The following TAFA5 variants were observed in gnomAD, a reference collection of about 807,000 sequenced individuals.
TAFA5 encodes chemokine-like protein TAFA-5.
Under a neutral mutation model 15.3 loss-of-function variants are expected in TAFA5, and 6 were observed. That is an observed-to-expected ratio of 0.39 (90% confidence interval 0.21 to 0.77). The LOEUF (loss-of-function observed/expected upper bound fraction) is 0.77. TAFA5 is among the 30% of genes least tolerant of loss of function. The pLI is 0.41. For missense variants in TAFA5, 161 were observed against 193.1 expected, an observed-to-expected ratio of 0.83 and a Z score of 0.98; for synonymous variants, 103 against 80.7, an observed-to-expected ratio of 1.28 and a Z score of -1.48.
intron 1 of TAFA5, among the ~76,000 whole-genome samples, chr22:48,547,906 C>T (rs1451048824): frequency 6.6e-6 from 1 of 152,204 alleles, no homozygotes; most frequent in East Asian, 1.9e-4. Context: ...CCATGGCTAA[C>T]CGGTGATAGC....
At position 48,751,163 on chromosome 22, in the gene TAFA5, T is replaced by C. The variant is rs1254618928; in HGVS notation, c.*1316T>C. 1 of 152,376 alleles carries C rather than the reference T, an allele frequency of 6.6e-6. No homozygotes were observed. The highest frequency in any genetic ancestry group is 1.5e-5 in the Non-Finnish European group (1 of 68,072). 9.4% of individuals were successfully genotyped at this position (152,376 alleles called of 1,614,324 possible). On this transcript the variant is annotated 3_prime_UTR_variant, in exon 4 of 4. Transcript: ENST00000402357. Reference sequence around the variant, plus strand: ...GTCAACACTTGAGCGTACAATATCTTGAACATGCTTCTTCCAATGGGTTTT... The same window carrying C: ...GTCAACACTTGAGCGTACAATATCTCGAACATGCTTCTTCCAATGGGTTTT...
intron 2 of TAFA5, among the ~76,000 whole-genome samples, chr22:48,701,401 C>T (rs911431132): frequency 1.3e-5 from 2 of 152,224 alleles, no homozygotes; most frequent in African/African-American, 4.8e-5. Context: ...GGCACACCCT[C>T]TCCTGCACGG....
At chr22:48,547,494 G>A (rs1178293669) in intron 1 of TAFA5, 1 of 152,244 alleles carries the variant, frequency 6.6e-6, no homozygotes. Context: ...CTGGGTGAGA[G>A]ATGGGGGAGA....
chr22:48,510,824 T>C (rs190640801), intron 1 of TAFA5, among the ~76,000 whole-genome samples: 1 of 152,398 alleles, frequency 6.6e-6, no homozygotes, highest in East Asian at 1.9e-4. Context: ...TTCCTGACCT[T>C]GCCCAGGCAG....
At chr22:48,731,675 T>A (rs1159801528) in intron 3 of TAFA5, among the ~76,000 whole-genome samples, 2 of 152,108 alleles carry the variant, frequency 1.3e-5, no homozygotes, top group African/African-American at 4.8e-5. Context: ...GTTGACTGAA[T>A]CCTTTAAGCC....
In TAFA5 at chr22:48,635,371, T is replaced by C. The variant is rs368757770; in HGVS notation, c.113-11226T>C. ...CCTGGGAGGAGCTAGGGCTTCCCAG[T>C]CTTCTTCAGGGCAAGCACAGGCTGA... On this transcript the variant is annotated intron_variant, in intron 1 of 3. Transcript: ENST00000402357. Among the ~76,000 whole-genome samples the C allele has an allele frequency of 1.4e-4, 21 of 152,164 alleles. No homozygotes were observed. In the East Asian group the frequency reaches 3.1e-3, roughly 23 times the overall value.
At chr22:48,738,327 G>A (rs981562797) in intron 3 of TAFA5, among the ~76,000 whole-genome samples, 3 of 152,210 alleles carry the variant, frequency 2.0e-5, no homozygotes, top group Non-Finnish European at 2.9e-5. Context: ...TGCGTGGATT[G>A]TGATGTCACC....
At chr22:48,612,270 C>A (rs1207335476) in intron 1 of TAFA5, among the ~76,000 whole-genome samples, 3 of 152,058 alleles carry the variant, frequency 2.0e-5, no homozygotes, top group African/African-American at 7.2e-5. Context: ...CCAGTGCACA[C>A]CCCCGCAGCA....
At chr22:48,585,995 G>A (rs115328836) in intron 1 of TAFA5, among the ~76,000 whole-genome samples, 244 of 152,330 alleles carry the variant, frequency 1.6e-3, no homozygotes, top group African/African-American at 4.1e-3. Context: ...CCAGCCTGGC[G>A]TTCTGGAGGA....
chr22:48,608,180 G>A (rs1833970786), intron 1 of TAFA5, among the ~76,000 whole-genome samples: 1 of 120,786 alleles, frequency 8.3e-6, no homozygotes, highest in South Asian at 2.2e-4. Flanking sequence ...CACCACCGAC[G>A]CTGATTTTGT....
intron 1 of TAFA5, among the ~76,000 whole-genome samples, chr22:48,610,189 C>T (rs1925346964): frequency 6.6e-6 from 1 of 152,104 alleles, no homozygotes; most frequent in Non-Finnish European, 1.5e-5. Flanking sequence ...TTCCCGTGGC[C>T]CCCGAGAAGG....
intron 3 of TAFA5, among the ~76,000 whole-genome samples, chr22:48,712,928 C>T (rs925571314): frequency 6.6e-6 from 1 of 152,258 alleles, no homozygotes; most frequent in African/African-American, 2.4e-5. Flanking sequence ...CAGGTCTTCT[C>T]TCCACAGACG....
chr22:48,749,675 C>CT (rs2147280040), intron 3 of TAFA5, among the ~76,000 whole-genome samples, 164 bp from the exon 4 acceptor site: 1 of 152,258 alleles, frequency 6.6e-6, no homozygotes, highest in South Asian at 2.1e-4. Flanking sequence ...GGGGCACTGT[C>CT]TGGTGGCCTG....
intron 1 of TAFA5, among the ~76,000 whole-genome samples, chr22:48,572,475 T>C (rs560862286): frequency 6.6e-6 from 1 of 152,340 alleles, no homozygotes; most frequent in South Asian, 2.1e-4. Flanking sequence ...TGCATTTCAC[T>C]CTTGGGAGGA....
chr22:48,561,490 A>G (rs2147132464), intron 1 of TAFA5, among the ~76,000 whole-genome samples: 1 of 152,110 alleles, frequency 6.6e-6, no homozygotes, highest in Admixed American at 6.5e-5. Flanking sequence ...AAAATCACCC[A>G]CACTTCTGGA....
intron 1 of TAFA5, among the ~76,000 whole-genome samples, chr22:48,492,549 A>T (rs868722804): frequency 1.6e-4 from 25 of 152,088 alleles, no homozygotes; most frequent in Admixed American, 1.0e-3. Flanking sequence ...ATAGAAGGAG[A>T]TGGGCTCCAC....
intron 2 of TAFA5, among the ~76,000 whole-genome samples, chr22:48,677,994 C>G (rs1235562152): frequency 6.6e-6 from 1 of 152,058 alleles, no homozygotes; most frequent in Non-Finnish European, 1.5e-5. Flanking sequence ...CCAGAGCTCC[C>G]CATTCCTGCA....
At chr22:48,688,618 A>G (rs575126503) in intron 2 of TAFA5, among the ~76,000 whole-genome samples, 1 of 152,024 alleles carries the variant, frequency 6.6e-6, no homozygotes, top group East Asian at 1.9e-4. Flanking sequence ...CCCTGGGTTC[A>G]TTTCTAAGTA....
chr22:48,497,567 C>T (rs1458312676), intron 1 of TAFA5, among the ~76,000 whole-genome samples: 2 of 5,052 alleles, frequency 4.0e-4, no homozygotes, highest in African/African-American at 1.8e-3. Flanking sequence ...GGGGCTGAGG[C>T]CTGGGGGCGG....
Sources: allele counts gnomAD v4.1 joint callset (sites outside exome capture counted in the v4.1 genomes callset), GRCh38; gene constraint gnomAD v4.1.1; transcripts MANE v1.5; gene names NCBI Gene and HGNC (gene_info 2026-07-23, HGNC 2026-07-21).